Variants in PFKFB4 observed in about 807,000 individuals in gnomAD.
PFKFB4 encodes 6-phosphofructo-2-kinase/fructose-2,6-biphosphatase 4.
A neutral mutation model predicts 62.8 loss-of-function variants in PFKFB4; 42 were observed. The ratio of observed to expected loss-of-function variants is 0.67; its 90% CI spans 0.52 to 0.86. The LOEUF is 0.86. Among genes scored for constraint, PFKFB4 ranks in the 40% least tolerant of loss-of-function variants. The pLI is 0.00. For synonymous variants in PFKFB4, 204 were observed against 240.7 expected, an observed-to-expected ratio of 0.85 and a Z score of 1.41; for missense variants, 475 against 627.2, an observed-to-expected ratio of 0.76 and a Z score of 2.59.
upstream of PFKFB4, among the ~76,000 whole-genome samples, chr3:48,560,295 T>C (rs1440566207): frequency 6.6e-6 from 1 of 152,124 alleles, no homozygotes; most frequent in Admixed American, 6.5e-5. Context: ...TTCCCACATA[T>C]ATCTCTCCAC....
intron 9 of PFKFB4, among the ~76,000 whole-genome samples, chr3:48,528,017 A>G (rs1032233690): frequency 2.6e-5 from 4 of 152,066 alleles, no homozygotes; most frequent in South Asian, 2.1e-4. Flanking sequence ...GAGCACATAT[A>G]TCATCATGAA....
At chr3:48,554,506 GT>G (rs1407985845) in intron 1 of PFKFB4, among the ~76,000 whole-genome samples, 11 of 152,262 alleles carry the variant, frequency 7.2e-5, no homozygotes, top group African/African-American at 2.4e-4. Flanking sequence ...CTGAGACACC[GT>G]GATGGCACGA....
At chr3:48,528,172 G>T (rs1266407841) in intron 9 of PFKFB4, among the ~76,000 whole-genome samples, 2 of 152,116 alleles carry the variant, frequency 1.3e-5, no homozygotes, top group Non-Finnish European at 2.9e-5. Context: ...TCCCATGTTG[G>T]ACGGCTACAA....
chr3:48,553,823 C>T lies in PFKFB4; in HGVS notation c.97+2858G>A, dbSNP rs184066288. 2.0e-4 allele frequency among the ~76,000 whole-genome samples: 31 copies of T among 152,326 alleles called. No homozygotes were observed. In the East Asian group the frequency reaches 5.4e-3, roughly 27 times the overall value. Reference sequence around the variant, plus strand: ...CTTTTCAGAGGGGACTGAAAGTCATCTCTCCTGTTGCCCTGTGCACACACC... The same window carrying T: ...CTTTTCAGAGGGGACTGAAAGTCATTTCTCCTGTTGCCCTGTGCACACACC... On this transcript the variant is annotated intron_variant, in intron 1 of 13. Coordinates refer to ENST00000232375, the MANE Select transcript of PFKFB4 (RefSeq NM_004567.4).
chr3:48,525,895 AC>A (rs1210443219), intron 9 of PFKFB4: 6 of 369,918 alleles, frequency 1.6e-5, no homozygotes, highest in Non-Finnish European at 2.5e-5. Context: ...CCTATCCATC[AC>A]CCATCCAATA....
At chr3:48,534,317 G>A (rs1189520701) in intron 9 of PFKFB4, among the ~76,000 whole-genome samples, 1 of 152,128 alleles carries the variant, frequency 6.6e-6, no homozygotes, top group Non-Finnish European at 1.5e-5. Flanking sequence ...AAATACCTTT[G>A]AAGAAATGAT....
chr3:48,524,623 G>A (rs768476315), intron 10 of PFKFB4, among the ~76,000 whole-genome samples: 1 of 152,182 alleles, frequency 6.6e-6, no homozygotes, highest in Non-Finnish European at 1.5e-5. Flanking sequence ...CGTTATCTGG[G>A]TTGGTTCTAA....
At chr3:48,528,914 C>T (rs770606416) in intron 9 of PFKFB4, among the ~76,000 whole-genome samples, 3 of 152,196 alleles carry the variant, frequency 2.0e-5, no homozygotes, top group Non-Finnish European at 4.4e-5. Context: ...TGGGAAGTGA[C>T]TGTTGATGGG....
intron 9 of PFKFB4, among the ~76,000 whole-genome samples, chr3:48,534,685 A>G (rs551812916): frequency 3.6e-4 from 55 of 152,082 alleles, no homozygotes; most frequent in East Asian, 2.9e-3. Context: ...AAAAAAAAAA[A>G]AAGAAGAAAA....
intron 12 of PFKFB4, among the ~76,000 whole-genome samples, chr3:48,522,589 C>G (rs2042129595): frequency 6.6e-6 from 1 of 152,132 alleles, no homozygotes; most frequent in Non-Finnish European, 1.5e-5. Context: ...TAGCAAGAGG[C>G]AGGGTGGGGA....
At chr3:48,524,241 T>C (rs2042186514) in intron 10 of PFKFB4, among the ~76,000 whole-genome samples, 1 of 152,016 alleles carries the variant, frequency 6.6e-6, no homozygotes, top group African/African-American at 2.4e-5. Flanking sequence ...CTTTCTGGAG[T>C]GTGACTCATC....
chr3:48,552,360 C>T (rs185563264), intron 1 of PFKFB4, among the ~76,000 whole-genome samples: 2 of 152,366 alleles, frequency 1.3e-5, no homozygotes, highest in East Asian at 3.9e-4. Context: ...AAACAAAGGG[C>T]CTTGCTTGCC....
intron 3 of PFKFB4, among the ~76,000 whole-genome samples, chr3:48,544,280 G>A (rs1334849221): frequency 6.6e-6 from 1 of 151,970 alleles, no homozygotes; most frequent in Non-Finnish European, 1.5e-5. Flanking sequence ...CTGGCCCTCG[G>A]GCAGTGTTAG....
In PFKFB4 at chr3:48,518,650, A is replaced by T. The variant is rs1327396286; in HGVS notation, c.*1097T>A. 6.6e-6 allele frequency: 1 copy of T among 152,122 alleles called. No homozygotes were observed. The highest frequency in any genetic ancestry group is 1.5e-5 in the Non-Finnish European group (1 of 68,028). The allele number at this position is 152,122 out of a possible 1,614,324, so 9.4% of individuals were successfully genotyped here. A position where few individuals can be genotyped will look rare whatever the true frequency, so the allele number is the denominator to read the frequency against. Reference sequence around the variant, plus strand: ...GGAAGGCTGTGCTGCGGCCGGGAAAATCCTCCCTTGCCCAGGGACTGCCTA... The same window carrying T: ...GGAAGGCTGTGCTGCGGCCGGGAAATTCCTCCCTTGCCCAGGGACTGCCTA... On this transcript the variant is annotated 3_prime_UTR_variant, in exon 14 of 14. Coordinates refer to ENST00000232375, the MANE Select transcript of PFKFB4 (RefSeq NM_004567.4).
chr3:48,525,627 A>G lies in PFKFB4; in HGVS notation c.1030T>C (p.Tyr344His), dbSNP rs762291398. Residue 344 changes from tyrosine to histidine, a missense_variant, in exon 10 of 14, where the codon TAT becomes CAT. Tyr to His is a moderately conservative substitution (Grantham distance 83). Coordinates refer to ENST00000232375, the MANE Select transcript of PFKFB4 (RefSeq NM_004567.4). ...EMTYEEIQDN[Y>H]PLEFALRDQD... The stretch of plus-strand genomic sequence containing the variant: ...TCCCGCAGGGCGAACTCCAGTGGAT[A>G]ATTATCCTGAATTTCCTCGTAGGTC... 1 of 1,607,932 alleles carries G rather than the reference A, an allele frequency of 6.2e-7. No homozygotes were observed. The highest frequency in any genetic ancestry group is 1.7e-5 in the Admixed American group (1 of 59,654).
At chr3:48,525,121 C>T (rs938960376) in intron 10 of PFKFB4, among the ~76,000 whole-genome samples, 4 of 152,178 alleles carry the variant, frequency 2.6e-5, no homozygotes, top group African/African-American at 9.7e-5. Flanking sequence ...TCCCCAACTC[C>T]CCAGCCATTT....
chr3:48,559,660 T>G, upstream of PFKFB4: 1 of 454,690 alleles, frequency 2.2e-6, no homozygotes, highest in Non-Finnish European at 4.4e-6. Context: ...GTCCCAGGCG[T>G]GGGAAGTATG....
At chr3:48,540,722 G>A (rs569473015) in intron 4 of PFKFB4, among the ~76,000 whole-genome samples, 4 of 151,850 alleles carry the variant, frequency 2.6e-5, no homozygotes, top group East Asian at 3.9e-4. Flanking sequence ...TTATTCTTTC[G>A]CCTCAGCCTC....
At chr3:48,525,275 C>A (rs1575356377) in intron 10 of PFKFB4, among the ~76,000 whole-genome samples, 1 of 152,166 alleles carries the variant, frequency 6.6e-6, no homozygotes, top group Non-Finnish European at 1.5e-5. Context: ...GAATTCTCCA[C>A]CCCTGGGAAG....
Sources: allele counts gnomAD v4.1 joint callset (sites outside exome capture counted in the v4.1 genomes callset), GRCh38; gene constraint gnomAD v4.1.1; transcripts MANE v1.5; gene names NCBI Gene and HGNC (gene_info 2026-07-23, HGNC 2026-07-21).